Variants in ARID1B observed in about 807,000 individuals in gnomAD.
ARID1B encodes the protein AT-rich interactive domain-containing protein 1B.
In ARID1B, 30 loss-of-function variants were observed where a neutral mutation model predicts 212.3. The observed-to-expected ratio is 0.14, with a 90% CI of 0.11 to 0.19. The LOEUF is 0.19. Among genes scored for constraint, ARID1B ranks in the 10% least tolerant of loss-of-function variants. The pLI, the probability that ARID1B is intolerant of heterozygous loss-of-function variation, is 1.00. For missense variants in ARID1B, 2,891 were observed against 3,204.0 expected, an observed-to-expected ratio of 0.90 and a Z score of 2.36; for synonymous variants, 1,402 against 1,301.7, an observed-to-expected ratio of 1.08 and a Z score of -1.66.
At chr6:157,003,135 T>C (rs1779004296) in intron 4 of ARID1B, among the ~76,000 whole-genome samples, 1 of 152,218 alleles carries the variant, frequency 6.6e-6, no homozygotes, top group African/African-American at 2.4e-5. Flanking sequence ...GCCTTGATCC[T>C]AAGAGCAAGA....
chr6:156,897,682 A>C (rs1026441461), intron 2 of ARID1B, among the ~76,000 whole-genome samples: 2 of 151,976 alleles, frequency 1.3e-5, no homozygotes, highest in Non-Finnish European at 2.9e-5. Context: ...ATATATATAT[A>C]GTTAGAACTG....
intron 6 of ARID1B, among the ~76,000 whole-genome samples, chr6:157,124,809 TCA>T (rs1788029111): frequency 6.6e-6 from 1 of 151,782 alleles, no homozygotes; most frequent in East Asian, 1.9e-4. Context: ...GAAAGTGGCC[TCA>T]CAAATCAACC....
intron 15 of ARID1B, chr6:157,194,608 C>T (rs1162532511): frequency 6.6e-6 from 1 of 152,218 alleles, no homozygotes; most frequent in Non-Finnish European, 1.5e-5. Context: ...ACCTACTTGT[C>T]ACTCCATCCT....
At chr6:156,804,164 C>T (rs1780987834) in intron 1 of ARID1B, among the ~76,000 whole-genome samples, 1 of 151,920 alleles carries the variant, frequency 6.6e-6, no homozygotes, top group Non-Finnish European at 1.5e-5. Context: ...GGTGAAACCC[C>T]ATCTCTACCA....
chr6:157,022,953 C>CTTT (rs1554284488), intron 4 of ARID1B: 1 of 151,504 alleles, frequency 6.6e-6, no homozygotes, highest in African/African-American at 2.4e-5. Flanking sequence ...TAACATTCTT[C>CTTT]TGTTTTTATG....
Position 157,207,495 on chromosome 6 carries a change from C to T in ARID1B, c.6723C>T (p.Tyr2241=), listed in dbSNP as rs1300985005. 3.7e-6 allele frequency: 6 copies of T among 1,613,984 alleles called. No homozygotes were observed. The highest frequency in any genetic ancestry group is 1.7e-5 in the Admixed American group (1 of 59,994). The stretch of plus-strand genomic sequence containing the variant: ...AATTCTATGCTACATTAGTTAGGTA[C>T]GTTGGGGATCGCAAAAACCCAGTCT... ...QEKFYATLVR[Y]VGDRKNPVCR... is the part of the protein sequence containing the mutation. The change falls in exon 20 of 20, where the codon TAC becomes TAT. Residue 2241 remains tyrosine (Y), a synonymous_variant. Transcript: ENST00000636930. The surrounding 1 kb of genome is among the most constrained non-coding windows in gnomAD (Gnocchi z 8.5).
chr6:157,065,349 C>T (rs866480534), intron 4 of ARID1B, among the ~76,000 whole-genome samples: 3 of 152,038 alleles, frequency 2.0e-5, no homozygotes, highest in African/African-American at 7.2e-5. Flanking sequence ...GTACCATAAT[C>T]GGGATATATC....
At chr6:156,961,619 A>C (rs1184090029) in intron 4 of ARID1B, among the ~76,000 whole-genome samples, 1 of 152,138 alleles carries the variant, frequency 6.6e-6, no homozygotes, top group African/African-American at 2.4e-5. Flanking sequence ...CCTTAGCAGT[A>C]CTGGGAGTAT....
chr6:156,779,271 C>T lies in ARID1B; in HGVS notation c.1591C>T (p.Pro531Ser), dbSNP rs753422144. 2.8e-5 allele frequency: 32 copies of T among 1,151,826 alleles called. No individual in the cohort carries two copies. The highest frequency in any genetic ancestry group is 8.5e-5 in the African/African-American group (5 of 59,130). The allele number at this position is 1,151,826 out of a possible 1,614,324, so 71.4% of individuals were successfully genotyped here. Residue 531 changes from proline to serine, a missense_variant, in exon 1 of 20, where the codon CCG (proline) becomes TCG (serine). Pro to Ser is a moderately conservative substitution (Grantham distance 74). Around this residue, in one of 7 missense-constraint regions of ARID1B, gnomAD observed 1,643 missense variants for 1,544.0 expected, o/e 1.06. Coordinates refer to ENST00000636930, the MANE Select transcript of ARID1B (RefSeq NM_001374828.1). ...PEYSSPSAPPPPPSQPQSQAA... is the reference protein window; with the variant it reads ...PEYSSPSAPPSPPSQPQSQAA... The stretch of plus-strand genomic sequence containing the variant: ...GTACAGCAGCCCCAGCGCGCCGCCG[C>T]CGCCGCCGTCGCAGCCCCAGTCCCA...
intron 1 of ARID1B, among the ~76,000 whole-genome samples, chr6:156,809,478 T>G (rs1781410545): frequency 6.6e-6 from 1 of 152,180 alleles, no homozygotes; most frequent in Admixed American, 6.5e-5. Context: ...GTGTAATCTT[T>G]CCATATGATA....
At chr6:157,114,463 G>A (rs957601282) in intron 6 of ARID1B, among the ~76,000 whole-genome samples, 1 of 141,706 alleles carries the variant, frequency 7.1e-6, no homozygotes, top group Non-Finnish European at 1.5e-5. Context: ...GGCGGACGTT[G>A]CCGTGAGCTG....
intron 4 of ARID1B, among the ~76,000 whole-genome samples, chr6:157,057,816 TCAAA>T (rs1263852679): frequency 6.6e-6 from 1 of 152,110 alleles, no homozygotes; most frequent in Non-Finnish European, 1.5e-5. Flanking sequence ...GATTCTAGAA[TCAAA>T]CAAAAGTTTA....
intron 4 of ARID1B, among the ~76,000 whole-genome samples, chr6:157,083,261 A>G (rs1161770243): frequency 6.6e-6 from 1 of 152,236 alleles, no homozygotes; most frequent in Non-Finnish European, 1.5e-5. Context: ...TGTAAACAGT[A>G]GCATAACCAG....
chr6:157,087,805 A>C (rs923356531), intron 5 of ARID1B, among the ~76,000 whole-genome samples: 2 of 146,470 alleles, frequency 1.4e-5, no homozygotes, highest in African/African-American at 5.0e-5. Context: ...TTCTTCTAGA[A>C]AAAAAAAAAA....
chr6:157,201,613 G>A lies in ARID1B; in HGVS notation c.5263+125G>A. 2 of 1,164,820 alleles carry A rather than the reference G, an allele frequency of 1.7e-6. No individual in the cohort carries two copies. Among genetic ancestry groups the A allele is most frequent in the East Asian group, 2.6e-5 (1 of 38,578 alleles). The allele number at this position is 1,164,820 out of a possible 1,614,324, so 72.2% of individuals were successfully genotyped here. A position where few individuals can be genotyped will look rare whatever the true frequency, so the allele number is the denominator to read the frequency against. On this transcript the variant is annotated intron_variant, in intron 18 of 19. Transcript: ENST00000636930. This position sits in a 1 kb window ranked among gnomAD's most constrained non-coding sequence, Gnocchi z 5.2. Reference sequence around the variant, plus strand: ...AAAAATTATGACTAGAAGTTATCAAGATGCGTTTTTATATAGGAGTAATAT... The same window carrying A: ...AAAAATTATGACTAGAAGTTATCAAAATGCGTTTTTATATAGGAGTAATAT...
chr6:156,809,922 A>G (rs892804425), intron 1 of ARID1B, among the ~76,000 whole-genome samples: 1 of 152,124 alleles, frequency 6.6e-6, no homozygotes, highest in Non-Finnish European at 1.5e-5. Flanking sequence ...TGCAGAGGAC[A>G]AAAAGATGCA....
At chr6:156,979,454 A>G (rs1029104000) in intron 4 of ARID1B, among the ~76,000 whole-genome samples, 2 of 152,108 alleles carry the variant, frequency 1.3e-5, no homozygotes, top group African/African-American at 4.8e-5. Flanking sequence ...CTGCTGTGGG[A>G]GTATTGGAAA....
At chr6:156,804,054 G>A (rs1780981139) in intron 1 of ARID1B, among the ~76,000 whole-genome samples, 1 of 151,736 alleles carries the variant, frequency 6.6e-6, no homozygotes, top group Admixed American at 6.6e-5. Context: ...CACCCCTCAA[G>A]GCTGGGCATG....
At chr6:157,161,471 ATAG>A (rs1790943055) in intron 8 of ARID1B, among the ~76,000 whole-genome samples, 1 of 150,728 alleles carries the variant, frequency 6.6e-6, no homozygotes, top group Non-Finnish European at 1.5e-5. Context: ...GGGGGGGCAC[ATAG>A]TAGTTTTCCC....
Sources: gnomAD v4.1 joint callset for allele counts (sites outside exome capture counted in the v4.1 genomes callset) on GRCh38, gnomAD v4.1.1 for gene constraint, gnomAD v4.1.1 regional missense constraint, Gnocchi (gnomAD v3.1) non-coding constraint, MANE v1.5 for transcripts, NCBI Gene and HGNC (gene_info 2026-07-23, HGNC 2026-07-21) for gene names.